Variants in MSRB3 observed in about 807,000 individuals in gnomAD.
MSRB3 encodes methionine-R-sulfoxide reductase B3.
MSRB3 carries 13 observed loss-of-function variants against 21.0 expected under a neutral mutation model. The ratio of observed to expected loss-of-function variants is 0.62; its 90% CI spans 0.40 to 0.98. MSRB3 has a LOEUF of 0.98. MSRB3 is among the 50% of genes least tolerant of loss of function. The probability of loss-of-function intolerance (pLI) is 0.00; values close to 1 mark genes in which losing one functional copy is unlikely to be tolerated. For synonymous variants in MSRB3, 87 were observed against 88.6 expected (o/e 0.98, Z 0.10); for missense variants, 199 against 230.3 (o/e 0.86, Z 0.88).
chr12:65,294,907 G>A (rs536617054), intron 1 of MSRB3, among the ~76,000 whole-genome samples: 184 of 152,118 alleles, frequency 1.2e-3, no homozygotes, highest in African/African-American at 4.3e-3. Flanking sequence ...CTGTGGCCTC[G>A]AACTCCTGGG....
chr12:65,454,024 C>A, intron 6 of MSRB3, 199 bp downstream of exon 6: 1 of 674,896 alleles, frequency 1.5e-6, no homozygotes, highest in Admixed American at 2.1e-5. Context: ...TAGCTCAAGC[C>A]TGTAATCCCA....
At chr12:65,422,965 T>TTC (rs1565885441) in intron 5 of MSRB3, among the ~76,000 whole-genome samples, 4 of 147,388 alleles carry the variant, frequency 2.7e-5, no homozygotes, top group East Asian at 3.9e-4. Flanking sequence ...GGTTTTCTTT[T>TTC]TTTTTTTTTT....
At chr12:65,373,870 G>A (rs1215123042) in intron 5 of MSRB3, among the ~76,000 whole-genome samples, 1 of 150,692 alleles carries the variant, frequency 6.6e-6, no homozygotes, top group African/African-American at 2.4e-5. Flanking sequence ...TTTAGGATCT[G>A]TAGTTAAAAA....
At chr12:65,335,635 A>T (rs1250675947) in intron 4 of MSRB3, among the ~76,000 whole-genome samples, 2 of 151,934 alleles carry the variant, frequency 1.3e-5, no homozygotes, top group East Asian at 1.9e-4. Flanking sequence ...GCGGGGGAGG[A>T]TGTAAGAGCA....
chr12:65,459,526 C>T (rs1223101752), intron 6 of MSRB3, among the ~76,000 whole-genome samples: 1 of 152,136 alleles, frequency 6.6e-6, no homozygotes, highest in Non-Finnish European at 1.5e-5. Context: ...AAAAAAAGCC[C>T]CCACTTACAC....
chr12:65,340,162 C>G (rs999932938), intron 4 of MSRB3, among the ~76,000 whole-genome samples: 1 of 152,174 alleles, frequency 6.6e-6, no homozygotes, highest in Admixed American at 6.5e-5. Context: ...CAGCTGGAAT[C>G]TATTGTAAAG....
chr12:65,361,571 A>C (rs577175525), intron 4 of MSRB3, among the ~76,000 whole-genome samples: 2 of 152,172 alleles, frequency 1.3e-5, no homozygotes, highest in East Asian at 3.9e-4. Flanking sequence ...AGTTTCTTTG[A>C]GTCATTTTTA....
intron 5 of MSRB3, among the ~76,000 whole-genome samples, chr12:65,374,339 A>T (rs1878483700): frequency 6.6e-6 from 1 of 152,222 alleles, no homozygotes; most frequent in African/African-American, 2.4e-5. Flanking sequence ...TTTACTGGGC[A>T]TACCATATGC....
intron 5 of MSRB3, among the ~76,000 whole-genome samples, chr12:65,424,254 C>CT (rs1211024909): frequency 6.7e-6 from 1 of 149,840 alleles, no homozygotes; most frequent in Non-Finnish European, 1.5e-5. Flanking sequence ...CTTGTTTTAC[C>CT]TTTTTAAAAA....
At chr12:65,382,055 C>T (rs1352662393) in intron 5 of MSRB3, among the ~76,000 whole-genome samples, 2 of 152,020 alleles carry the variant, frequency 1.3e-5, no homozygotes, top group African/African-American at 4.8e-5. Flanking sequence ...CCATTTCCAA[C>T]CAATGTGAAA....
At chr12:65,365,075 A>ATTT (rs34234685) in intron 4 of MSRB3, among the ~76,000 whole-genome samples, 384 of 150,006 alleles carry the variant, frequency 2.6e-3, no homozygotes, top group South Asian at 4.0e-3. Flanking sequence ...TTCTGACATG[A>ATTT]TTTTTTTTTT....
Position 65,463,291 on chromosome 12 carries a change from G to A in MSRB3, c.527G>A (p.Ser176Asn), listed in dbSNP as rs1301766028. Reference sequence around the variant, plus strand: ...GCCGAGGGAGGCAGTGGGGTCGCCAGCCCGGCCCAGGCAGACAAAGCGGAG... The same window carrying A: ...GCCGAGGGAGGCAGTGGGGTCGCCAACCCGGCCCAGGCAGACAAAGCGGAG... ...GTAEGGSGVA[S>N]PAQADKAEL The change falls in exon 7 of 7, where the codon AGC becomes AAC. Residue 176 changes from serine (S) to asparagine (N), a missense_variant. By Grantham distance (46) the Ser-to-Asn change is conservative (BLOSUM62 1). Coordinates refer to ENST00000308259, the MANE Select transcript of MSRB3 (RefSeq NM_001031679.3). 2.5e-6 allele frequency: 4 copies of A among 1,614,092 alleles called. No individual in the cohort carries two copies. The East Asian group carries it at 6.7e-5, about 27-fold the overall frequency.
intron 1 of MSRB3, among the ~76,000 whole-genome samples, chr12:65,280,821 TC>T (rs1176357200): frequency 6.6e-6 from 1 of 152,218 alleles, no homozygotes; most frequent in Non-Finnish European, 1.5e-5. Context: ...AAGATGTTAA[TC>T]CATTAAGTCA....
intron 5 of MSRB3, among the ~76,000 whole-genome samples, chr12:65,447,120 C>T (rs1347249393): frequency 6.6e-6 from 1 of 152,122 alleles, no homozygotes; most frequent in African/African-American, 2.4e-5. Flanking sequence ...AAGCCTTGTC[C>T]ATCAGCAAGT....
intron 5 of MSRB3, among the ~76,000 whole-genome samples, chr12:65,395,378 A>G (rs1205205756): frequency 6.6e-6 from 1 of 152,094 alleles, no homozygotes; most frequent in Non-Finnish European, 1.5e-5. Flanking sequence ...AGGCAGAAGA[A>G]TCACTTGAAC....
intron 4 of MSRB3, among the ~76,000 whole-genome samples, chr12:65,358,082 G>A (rs186696126): frequency 6.6e-6 from 1 of 151,872 alleles, no homozygotes; most frequent in African/African-American, 2.4e-5. Flanking sequence ...ACAAGCGAGA[G>A]AAGTCTCTTT....
At chr12:65,424,521 T>C (rs769616647) in intron 5 of MSRB3, among the ~76,000 whole-genome samples, 24 of 152,112 alleles carry the variant, frequency 1.6e-4, no homozygotes, top group Admixed American at 2.0e-4. Flanking sequence ...TATTTTTGTG[T>C]ATTTCGAGAT....
At chr12:65,318,026 T>TTC (rs1372246153) in intron 2 of MSRB3, among the ~76,000 whole-genome samples, 6 of 152,148 alleles carry the variant, frequency 3.9e-5, no homozygotes, top group Admixed American at 6.5e-5. Context: ...AGACATTGAA[T>TTC]AATGTCTTCC....
At chr12:65,318,472 A>T (rs1207806365) in intron 2 of MSRB3, among the ~76,000 whole-genome samples, 3 of 152,146 alleles carry the variant, frequency 2.0e-5, no homozygotes, top group Non-Finnish European at 4.4e-5. Context: ...TTGCATGTGA[A>T]ATGTAGAATG....
Sources: allele counts gnomAD v4.1 joint callset (sites outside exome capture counted in the v4.1 genomes callset), GRCh38; gene constraint gnomAD v4.1.1; transcripts MANE v1.5; gene names NCBI Gene and HGNC (gene_info 2026-07-23, HGNC 2026-07-21).